CFAP36: variants seen among roughly 807,000 people sequenced by gnomAD.
CFAP36 encodes cilia- and flagella-associated protein 36.
Under a neutral mutation model 50.5 loss-of-function variants are expected in CFAP36, and 37 were observed. That is an observed-to-expected ratio of 0.73 (90% confidence interval 0.56 to 0.96). The LOEUF is 0.96. Among genes scored for constraint, CFAP36 ranks in the 50% least tolerant of loss-of-function variants. The pLI is 0.00. For missense variants in CFAP36, 407 were observed against 396.2 expected (o/e 1.03, Z -0.23); for synonymous variants, 138 against 128.2 (o/e 1.08, Z -0.52).
rs1166657327 is a variant in CFAP36, at chr2:55,525,952, A to T, written c.282+2130A>T. On this transcript the variant is annotated intron_variant, in intron 3 of 9. Transcript: ENST00000349456. ...GCCCCTTGCTCTTATAAGCATCTGT[A>T]CACCTACCTTTGCTCATGCTGTCCC... 2.0e-5 allele frequency among the ~76,000 whole-genome samples: 3 copies of T among 152,100 alleles called. 1 individual carries two copies. The highest frequency in any genetic ancestry group is 7.2e-5 in the African/African-American group (3 of 41,386).
chr2:55,534,500 A>T (rs905127212), intron 5 of CFAP36, among the ~76,000 whole-genome samples: 9 of 152,310 alleles, frequency 5.9e-5, no homozygotes, highest in Admixed American at 5.2e-4. Flanking sequence ...CCTGGCAAAG[A>T]GTGTGCAGAC....
At chr2:55,526,494 T>A (rs1684211182) in intron 3 of CFAP36, among the ~76,000 whole-genome samples, 1 of 152,218 alleles carries the variant, frequency 6.6e-6, no homozygotes, top group South Asian at 2.1e-4. Context: ...CTGGCTGGAC[T>A]GCAGTCGCTC....
rs140286769 is a variant in CFAP36, at chr2:55,524,604, A to G, written c.282+782A>G. On this transcript the variant is annotated intron_variant, in intron 3 of 9. Coordinates refer to ENST00000349456, the MANE Select transcript of CFAP36 (RefSeq NM_080667.7). ...TTATTGAGGGCTTGTGCTAATTGAT[A>G]TTTTGGGCACTTGACATGTTTTATC... 1.5e-4 allele frequency among the ~76,000 whole-genome samples: 23 copies of G among 152,044 alleles called. No individual in the cohort carries two copies. In the East Asian group the frequency reaches 4.5e-3, roughly 29 times the overall value.
chr2:55,533,085 C>T (rs538244808), intron 4 of CFAP36, among the ~76,000 whole-genome samples: 1 of 152,262 alleles, frequency 6.6e-6, no homozygotes, highest in East Asian at 1.9e-4. Flanking sequence ...GTAAGCAGCG[C>T]CCTTTTCAAT....
intron 6 of CFAP36, chr2:55,535,995 C>T: frequency 1.3e-6 from 1 of 741,364 alleles, no homozygotes; most frequent in Non-Finnish European, 1.9e-6. Context: ...GTACAAACAC[C>T]ACATAGTACT....
Position 55,527,732 on chromosome 2 carries a change from C to T in CFAP36, c.283-1146C>T, listed in dbSNP as rs1461218707. Among the ~76,000 whole-genome samples, 4 of 152,162 alleles carry T rather than the reference C, an allele frequency of 2.6e-5. No homozygotes were observed. The South Asian group carries it at 8.3e-4, about 32-fold the overall frequency. On this transcript the variant is annotated intron_variant, in intron 3 of 9. Coordinates refer to ENST00000349456, the MANE Select transcript of CFAP36 (RefSeq NM_080667.7). The stretch of plus-strand genomic sequence containing the variant: ...TCGTCAAGACAGACTACATTATGGG[C>T]CATAAAACATACCTTAACAAATTTA...
At chr2:55,521,299 G>T (rs1218599159) in intron 1 of CFAP36, among the ~76,000 whole-genome samples, 1 of 147,602 alleles carries the variant, frequency 6.8e-6, no homozygotes, top group Non-Finnish European at 1.5e-5. Flanking sequence ...TTATACATAT[G>T]ATCATTCAGT....
intron 3 of CFAP36, 57 bp downstream of exon 3, chr2:55,523,879 A>G: frequency 9.5e-7 from 1 of 1,057,126 alleles, no homozygotes; most frequent in Non-Finnish European, 1.4e-6. Context: ...CCAGGGTTAA[A>G]CACTCACTTA....
At chr2:55,543,062 G>GT (rs1684679284) in intron 7 of CFAP36, among the ~76,000 whole-genome samples, 1 of 34,130 alleles carries the variant, frequency 2.9e-5, no homozygotes, top group Non-Finnish European at 6.4e-5. Flanking sequence ...TGCTGGCAAG[G>GT]TATTTTTTTT....
chr2:55,520,459 T>A (rs1684032371), intron 1 of CFAP36: 1 of 1,548,968 alleles, frequency 6.5e-7, no homozygotes. Flanking sequence ...CCGGTGATTT[T>A]GGTGGCCTGT....
intron 6 of CFAP36, 166 bp downstream of exon 6, chr2:55,535,929 G>A (rs769481062): frequency 2.7e-5 from 36 of 1,320,208 alleles, no homozygotes; most frequent in East Asian, 8.3e-5. Flanking sequence ...TATGTATGTC[G>A]TGCATTACTG....
At chr2:55,519,987 A>T in intron 1 of CFAP36, 71 bp downstream of exon 1, 1 of 1,407,050 alleles carries the variant, frequency 7.1e-7, no homozygotes, top group Non-Finnish European at 1.0e-6. Context: ...GGGGTTGGTA[A>T]CCACAAGCCA....
chr2:55,537,970 C>A (rs1166416711), intron 7 of CFAP36, among the ~76,000 whole-genome samples: 1 of 152,274 alleles, frequency 6.6e-6, no homozygotes. Flanking sequence ...TATTAAATTT[C>A]TTTTCCAATG....
chr2:55,540,095 T>A (rs1684594898), intron 7 of CFAP36, among the ~76,000 whole-genome samples: 1 of 152,228 alleles, frequency 6.6e-6, no homozygotes, highest in Non-Finnish European at 1.5e-5. Context: ...TGTCTTCTCA[T>A]CCTCTTGATA....
At position 55,533,886 on chromosome 2, in the gene CFAP36, C is replaced by T. The variant is rs1157059054; in HGVS notation, c.411C>T (p.Asp137=). ...GGTTTTGAACAGGTGTATTACCTGA[C>T]TGCTTAACCGATGGCTCTGATGTGG... The part of the protein sequence containing the change: ...IIQERNGVLP[D]CLTDGSDVVS... The change falls in exon 5 of 10, where the codon GAC becomes GAT. Residue 137 remains aspartate (D), a synonymous_variant. Transcript: ENST00000349456. 1.2e-6 allele frequency: 2 copies of T among 1,609,092 alleles called. No homozygotes were observed. Among genetic ancestry groups the T allele is most frequent in the African/African-American group, 2.7e-5 (2 of 74,744 alleles).
chr2:55,539,071 C>T (rs1180144182), intron 7 of CFAP36: 2 of 426,300 alleles, frequency 4.7e-6, no homozygotes, highest in Non-Finnish European at 7.3e-6. Context: ...TCGACCCCCT[C>T]AAAAGTAGTA....
chr2:55,525,039 C>T (rs1684169123), intron 3 of CFAP36, among the ~76,000 whole-genome samples: 1 of 151,762 alleles, frequency 6.6e-6, no homozygotes, highest in African/African-American at 2.4e-5. Flanking sequence ...AGCAAATAGT[C>T]CAAAGTCCAC....
intron 1 of CFAP36, 34 bp downstream of exon 1, chr2:55,519,950 C>G (rs1198017355): frequency 6.3e-7 from 1 of 1,596,126 alleles, no homozygotes; most frequent in East Asian, 2.2e-5. Context: ...CAATCCTTTT[C>G]TCCTCTCTCA....
At chr2:55,534,373 T>C (rs1684426531) in intron 5 of CFAP36, among the ~76,000 whole-genome samples, 2 of 152,194 alleles carry the variant, frequency 1.3e-5, no homozygotes, top group East Asian at 1.9e-4. Context: ...ATTCCACAGA[T>C]TGAATAGCTG....
Sources: allele counts gnomAD v4.1 joint callset (sites outside exome capture counted in the v4.1 genomes callset), GRCh38; gene constraint gnomAD v4.1.1; transcripts MANE v1.5; gene names NCBI Gene and HGNC (gene_info 2026-07-23, HGNC 2026-07-21).